Variants in DGLUCY observed in about 807,000 individuals in gnomAD.
DGLUCY encodes the protein D-glutamate cyclase.
In DGLUCY, 58 loss-of-function variants were observed where a neutral mutation model predicts 58.5. The observed-to-expected ratio is 0.99, with a 90% CI of 0.80 to 1.23. The LOEUF is 1.23. Ranked by LOEUF, DGLUCY falls within the 50% of genes most tolerant of loss-of-function variation. The probability of loss-of-function intolerance (pLI) is 0.00; values close to 1 mark genes in which losing one functional copy is unlikely to be tolerated. For synonymous variants in DGLUCY, 325 were observed against 314.1 expected (o/e 1.03, Z -0.37); for missense variants, 779 against 784.7 (o/e 0.99, Z 0.09).
intron 1 of DGLUCY, among the ~76,000 whole-genome samples, chr14:91,115,806 G>T (rs2044895994): frequency 6.6e-6 from 1 of 152,200 alleles, no homozygotes; most frequent in Non-Finnish European, 1.5e-5. Context: ...TTGTAAGAGT[G>T]AGGACTCTTG....
chr14:91,168,277 T>TATAAA (rs987936055), intron 4 of DGLUCY, among the ~76,000 whole-genome samples: 1 of 151,486 alleles, frequency 6.6e-6, no homozygotes, highest in African/African-American at 2.4e-5. Context: ...AATATATATA[T>TATAAA]ATAAAATAAA....
intron 1 of DGLUCY, among the ~76,000 whole-genome samples, chr14:91,066,029 T>C (rs911722761): frequency 5.3e-5 from 8 of 152,238 alleles, no homozygotes; most frequent in African/African-American, 1.7e-4. Context: ...ATTTCTGCTA[T>C]GGCCAGAAGA....
intron 1 of DGLUCY, among the ~76,000 whole-genome samples, chr14:91,122,008 C>T (rs1320047218): frequency 6.6e-6 from 1 of 152,050 alleles, no homozygotes; most frequent in African/African-American, 2.4e-5. Context: ...CACAGAAGAG[C>T]TAAGAAGTGA....
chr14:91,080,662 C>G (rs557354801), intron 1 of DGLUCY, among the ~76,000 whole-genome samples: 1 of 152,182 alleles, frequency 6.6e-6, no homozygotes, highest in Non-Finnish European at 1.5e-5. Context: ...AGCCACCACA[C>G]GCAGCCCCAG....
At position 91,189,038 on chromosome 14, in the gene DGLUCY, GA is replaced by G; in HGVS notation, c.1064del (p.Glu355GlyfsTer24). 1 of 1,614,186 alleles carries G rather than the reference GA, an allele frequency of 6.2e-7. No homozygotes were observed. On this transcript the variant is annotated frameshift_variant, in exon 9 of 14. Transcript: ENST00000256324. LOFTEE classifies it high-confidence loss of function. ...PTHFNHEPPE[E>X]TDGPPGAVAL... ...ACATTTCAATCATGAGCCTCCAGAA[GA>G]GACAGATGGCCCACCAGGAGCTGTT...
intron 4 of DGLUCY, 32 bp from the exon 5 acceptor site, chr14:91,169,971 G>A: frequency 6.3e-7 from 1 of 1,592,098 alleles, no homozygotes; most frequent in South Asian, 1.1e-5. Flanking sequence ...TGAGAGTCTG[G>A]GGCCCTCCCA....
At chr14:91,199,280 G>C (rs1167903686) in intron 10 of DGLUCY, among the ~76,000 whole-genome samples, 7 of 146,300 alleles carry the variant, frequency 4.8e-5, no homozygotes, top group Non-Finnish European at 9.0e-5. Flanking sequence ...TTTTTTTCAA[G>C]ACAGAGTCTT....
chr14:91,061,626 G>C (rs1026284895), intron 1 of DGLUCY, among the ~76,000 whole-genome samples: 14 of 152,232 alleles, frequency 9.2e-5, no homozygotes, highest in African/African-American at 3.1e-4. Context: ...ATGGATAAGA[G>C]AGAAATACCA....
At chr14:91,136,003 C>G (rs534426031) in intron 1 of DGLUCY, among the ~76,000 whole-genome samples, 24 of 137,960 alleles carry the variant, frequency 1.7e-4, no homozygotes, top group South Asian at 1.7e-3. Context: ...GCTGCAATCT[C>G]GGCTCACTGC....
intron 9 of DGLUCY, among the ~76,000 whole-genome samples, chr14:91,190,804 G>A (rs1352876073): frequency 6.6e-6 from 1 of 152,170 alleles, no homozygotes; most frequent in African/African-American, 2.4e-5. Context: ...TTTTGTTCTG[G>A]GTGAGATGGG....
intron 1 of DGLUCY, among the ~76,000 whole-genome samples, chr14:91,068,999 A>G (rs948305892): frequency 6.6e-6 from 1 of 152,232 alleles, no homozygotes; most frequent in African/African-American, 2.4e-5. Context: ...GACTTGTGTT[A>G]TTAGGGAAGA....
At chr14:91,103,112 C>T (rs1366471044), upstream of DGLUCY, among the ~76,000 whole-genome samples, 1 of 152,042 alleles carries the variant, frequency 6.6e-6, no homozygotes, top group Non-Finnish European at 1.5e-5. Context: ...ATGTTTCTCT[C>T]AGGCCCAAGG....
intron 1 of DGLUCY, among the ~76,000 whole-genome samples, chr14:91,108,827 C>T (rs539431538): frequency 3.3e-5 from 5 of 152,188 alleles, no homozygotes; most frequent in Admixed American, 1.3e-4. Context: ...CATGAGCCAC[C>T]GTTCCCAGCC....
At chr14:91,127,064 T>TG (rs1185906919) in intron 1 of DGLUCY, among the ~76,000 whole-genome samples, 1 of 148,756 alleles carries the variant, frequency 6.7e-6, no homozygotes, top group Middle Eastern at 3.2e-3. Flanking sequence ...TTTTTTTTTT[T>TG]TTTTTTTTTT....
Position 91,205,372 on chromosome 14 carries a change from A to G in DGLUCY, c.1564+547A>G, listed in dbSNP as rs1178802718. The stretch of plus-strand genomic sequence containing the variant: ...CCTACTGTTGCTCCTCTCCCGCAGG[A>G]CCCACCTTTCCTGTGTCCAGGTCCG... On this transcript the variant is annotated intron_variant, in intron 12 of 13. Transcript: ENST00000256324. Among the ~76,000 whole-genome samples, 4 of 151,916 alleles carry G rather than the reference A, an allele frequency of 2.6e-5. No individual in the cohort carries two copies. In the East Asian group the frequency reaches 7.7e-4, roughly 29 times the overall value.
chr14:91,186,137 T>C (rs1213359497), intron 8 of DGLUCY, among the ~76,000 whole-genome samples: 2 of 152,288 alleles, frequency 1.3e-5, no homozygotes, highest in East Asian at 3.9e-4. Context: ...TATTTACCAA[T>C]TTACAGTTGA....
chr14:91,199,452 C>T (rs148886052), intron 10 of DGLUCY, among the ~76,000 whole-genome samples: 5,542 of 139,222 alleles, frequency 0.04, 239 homozygotes, highest in African/African-American at 0.093. Flanking sequence ...GAGGTTTCAC[C>T]ATGTTGGCCG....
In DGLUCY at chr14:91,096,897, T is replaced by C. The variant is rs187283806; in HGVS notation, c.-82+36193T>C. 7.9e-5 allele frequency among the ~76,000 whole-genome samples: 12 copies of C among 152,356 alleles called. No homozygotes were observed. The East Asian group carries it at 1.3e-3, about 17-fold the overall frequency. On this transcript the variant is annotated intron_variant, in intron 1 of 4. Transcript: ENST00000521334. The stretch of plus-strand genomic sequence containing the variant: ...GCACTGGGAAAATTGGAGAAATTGC[T>C]GGGTTGGCACAGGGCATGCTGCCCA...
chr14:91,184,068 G>T (rs747868126), intron 8 of DGLUCY, among the ~76,000 whole-genome samples: 7 of 151,992 alleles, frequency 4.6e-5, no homozygotes, highest in Non-Finnish European at 8.8e-5. Flanking sequence ...GTAGCTACCT[G>T]CATCAATGGT....
Sources: gnomAD v4.1 joint callset for allele counts (sites outside exome capture counted in the v4.1 genomes callset) on GRCh38, gnomAD v4.1.1 for gene constraint, MANE v1.5 for transcripts, NCBI Gene and HGNC (gene_info 2026-07-23, HGNC 2026-07-21) for gene names.